The following CPEB4 variants were observed in gnomAD, a reference collection of about 807,000 sequenced individuals.
The protein encoded by CPEB4 is cytoplasmic polyadenylation element binding protein 4.
A neutral mutation model predicts 72.5 loss-of-function variants in CPEB4; 12 were observed. That is an observed-to-expected ratio of 0.17 (90% CI 0.11 to 0.27). The LOEUF (loss-of-function observed/expected upper bound fraction) is 0.27, where lower values mean the gene tolerates loss of function less well. Ranked by LOEUF, CPEB4 falls within the 10% of genes least tolerant of loss-of-function variation. The pLI, the probability that CPEB4 is intolerant of heterozygous loss-of-function variation, is 1.00. For missense variants in CPEB4, 614 were observed against 908.5 expected (o/e 0.68, Z 4.17); for synonymous variants, 302 against 326.3 (o/e 0.93, Z 0.80).
intron 1 of CPEB4, among the ~76,000 whole-genome samples, chr5:173,897,848 C>T (rs1167396984): frequency 1.3e-5 from 2 of 150,858 alleles, no homozygotes; most frequent in African/African-American, 2.4e-5. Context: ...AATACACACT[C>T]GTATAAGTTA....
intron 2 of CPEB4, among the ~76,000 whole-genome samples, chr5:173,924,065 C>T (rs1053621126): frequency 1.3e-5 from 2 of 152,196 alleles, no homozygotes; most frequent in Admixed American, 6.5e-5. Context: ...GTAGTCAAAG[C>T]AGTCCTTCCC....
At chr5:173,951,191 A>G (rs1347656590) in intron 7 of CPEB4, among the ~76,000 whole-genome samples, 1 of 152,152 alleles carries the variant, frequency 6.6e-6, no homozygotes, top group African/African-American at 2.4e-5. Flanking sequence ...TTGGGAATAC[A>G]CTGCTGTCAA....
chr5:173,922,932 G>A (rs1176722950), intron 2 of CPEB4, among the ~76,000 whole-genome samples: 1 of 152,202 alleles, frequency 6.6e-6, no homozygotes, highest in Non-Finnish European at 1.5e-5. Flanking sequence ...GCTTCATGCA[G>A]CTTATTTTCC....
At chr5:173,951,128 C>T (rs576402055) in intron 7 of CPEB4, among the ~76,000 whole-genome samples, 33 of 152,136 alleles carry the variant, frequency 2.2e-4, no homozygotes, top group Non-Finnish European at 4.9e-4. Context: ...TGCCAATCCC[C>T]ATCCGTATTT....
In CPEB4 at chr5:173,950,522, C is replaced by A. The variant is rs1203006881; in HGVS notation, c.1665+444C>A. Among the ~76,000 whole-genome samples the A allele has an allele frequency of 6.6e-6, 1 of 152,124 alleles. No individual in the cohort carries two copies. Among genetic ancestry groups the A allele is most frequent in the East Asian group, 1.9e-4 (1 of 5,182 alleles). ...TGGGAGACTGAGGCAGGACAATCACCTGAACCCAGGAGGCGGAGGTTGCAG... is the reference window on the plus strand; with the variant it reads ...TGGGAGACTGAGGCAGGACAATCACATGAACCCAGGAGGCGGAGGTTGCAG... On this transcript the variant is annotated intron_variant, in intron 7 of 9. Transcript: ENST00000265085. The surrounding 1 kb of genome is among the most constrained non-coding windows in gnomAD (Gnocchi z 5.0).
chr5:173,948,110 T>C (rs1262830333), intron 5 of CPEB4, among the ~76,000 whole-genome samples: 1 of 151,958 alleles, frequency 6.6e-6, no homozygotes, highest in Non-Finnish European at 1.5e-5. Context: ...CAAACTGATA[T>C]CAATAAATGA....
At chr5:173,920,831 GT>G (rs1433432772) in intron 2 of CPEB4, among the ~76,000 whole-genome samples, 1 of 152,216 alleles carries the variant, frequency 6.6e-6, no homozygotes, top group Non-Finnish European at 1.5e-5. Context: ...ATATGGAGTA[GT>G]TTGTATAAGG....
rs755670150 is a variant in CPEB4, at chr5:173,949,470, A to C, written c.1457-38A>C. On this transcript the variant is annotated intron_variant, in intron 5 of 9. Transcript: ENST00000265085. ...AAAACTTTCAAAAAATGATCATAAAAATATTTAAATCTACTGTTTTCCTTT... is the reference window on the plus strand; with the variant it reads ...AAAACTTTCAAAAAATGATCATAAACATATTTAAATCTACTGTTTTCCTTT... 8 of 1,416,068 alleles carry C rather than the reference A, an allele frequency of 5.6e-6. No individual in the cohort carries two copies. In the East Asian group the frequency reaches 1.1e-4, roughly 20 times the overall value. 87.7% of individuals were successfully genotyped at this position (1,416,068 alleles called of 1,614,324 possible). A position where few individuals can be genotyped will look rare whatever the true frequency, so the allele number is the denominator to read the frequency against.
chr5:173,890,442 C>T lies in CPEB4; in HGVS notation c.709C>T (p.Pro237Ser), dbSNP rs1038997166. ...GPLSQHHPHH[P>S]HFQHHHSQHQ... The stretch of plus-strand genomic sequence containing the variant: ...TCTCTCACAGCACCACCCACATCAC[C>T]CTCATTTCCAGCATCATCACAGCCA... The change falls in exon 1 of 10, where the codon CCT becomes TCT. Residue 237 changes from proline (P) to serine (S), a missense_variant. Physicochemically the swap from Pro to Ser is moderately conservative, Grantham distance 74. This residue lies in a region of CPEB4 where 458 missense variants were observed against 548.6 expected (regional missense o/e 0.83). Coordinates refer to ENST00000265085, the MANE Select transcript of CPEB4 (RefSeq NM_030627.4). 1 of 1,613,100 alleles carries T rather than the reference C, an allele frequency of 6.2e-7. No homozygotes were observed. Among genetic ancestry groups the T allele is most frequent in the African/African-American group, 1.3e-5 (1 of 75,016 alleles).
intron 2 of CPEB4, among the ~76,000 whole-genome samples, chr5:173,923,683 C>A (rs922029742): frequency 6.6e-6 from 1 of 151,888 alleles, no homozygotes; most frequent in Non-Finnish European, 1.5e-5. Context: ...CTTTTCTTTC[C>A]ATTATATTTT....
At position 173,890,720 on chromosome 5, in the gene CPEB4, C is replaced by T; in HGVS notation, c.987C>T (p.Asn329=). The T allele has an allele frequency of 6.2e-7, 1 of 1,614,202 alleles. No individual in the cohort carries two copies. The change falls in exon 1 of 10, where the codon AAC becomes AAT. Residue 329 remains asparagine (N), a synonymous_variant. Coordinates refer to ENST00000265085, the MANE Select transcript of CPEB4 (RefSeq NM_030627.4). Reference sequence around the variant, plus strand: ...TGAATGGTGGAATAACGCCCCTGAACTCCATCTCGCCTTTGAAGAAAAATT... The same window carrying T: ...TGAATGGTGGAATAACGCCCCTGAATTCCATCTCGCCTTTGAAGAAAAATT... ...RGLNGGITPL[N]SISPLKKNFA... is the part of the protein sequence containing the mutation.
chr5:173,947,611 A>G (rs1231457650), intron 5 of CPEB4, among the ~76,000 whole-genome samples: 1 of 152,190 alleles, frequency 6.6e-6, no homozygotes, highest in Non-Finnish European at 1.5e-5. Context: ...GGAAGGCTAG[A>G]AAAACCCATG....
At chr5:173,912,906 A>G (rs1467108078) in intron 2 of CPEB4, among the ~76,000 whole-genome samples, 7 of 148,218 alleles carry the variant, frequency 4.7e-5, no homozygotes. Flanking sequence ...CCTGCTCTTT[A>G]AGACCCTGTC....
chr5:173,888,363 T>G lies in CPEB4; in HGVS notation c.-1371T>G, dbSNP rs1216910516. 5 of 439,090 alleles carry G rather than the reference T, an allele frequency of 1.1e-5. No homozygotes were observed. The highest frequency in any genetic ancestry group is 2.0e-5 in the Non-Finnish European group (5 of 254,810). The allele number at this position is 439,090 out of a possible 1,614,324, so 27.2% of individuals were successfully genotyped here. On this transcript the variant is annotated 5_prime_UTR_variant, in exon 1 of 10. Coordinates refer to ENST00000265085, the MANE Select transcript of CPEB4 (RefSeq NM_030627.4). The surrounding 1 kb of genome is among the most constrained non-coding windows in gnomAD (Gnocchi z 4.3). ...GTTGTCATTTCACTCGGCTCGGTCC[T>G]GAGGAGAAGGACTCAGCCGCGGCTG...
At chr5:173,937,861 C>G (rs1757684905) in intron 3 of CPEB4, among the ~76,000 whole-genome samples, 1 of 152,196 alleles carries the variant, frequency 6.6e-6, no homozygotes, top group Non-Finnish European at 1.5e-5. Context: ...ATCTTAGGAA[C>G]ATTCTTTGAA....
rs886987604 is a variant in CPEB4, at chr5:173,958,759, TAA to T, written c.*2623_*2624del. The T allele has an allele frequency of 1.4e-4, 21 of 152,790 alleles. 1 individual carries two copies. Among genetic ancestry groups the T allele is most frequent in the African/African-American group, 4.8e-4 (20 of 41,576 alleles). The allele number at this position is 152,790 out of a possible 1,614,324, so 9.5% of individuals were successfully genotyped here. A position where few individuals can be genotyped will look rare whatever the true frequency, so the allele number is the denominator to read the frequency against. On this transcript the variant is annotated 3_prime_UTR_variant, in exon 10 of 10. Coordinates refer to ENST00000265085, the MANE Select transcript of CPEB4 (RefSeq NM_030627.4). Reference sequence around the variant, plus strand: ...AACAAAATTGTCTACAGCTTCTTACTAAGTTTTTAAAATTATTCATAAAATGC... The same window carrying T: ...AACAAAATTGTCTACAGCTTCTTACTGTTTTTAAAATTATTCATAAAATGC...
intron 2 of CPEB4, among the ~76,000 whole-genome samples, chr5:173,916,495 C>G (rs1298942058): frequency 6.6e-6 from 1 of 152,182 alleles, no homozygotes; most frequent in Non-Finnish European, 1.5e-5. Flanking sequence ...GTGTTTCATG[C>G]ATCGCTTTAT....
At chr5:173,949,747 T>G in intron 6 of CPEB4, 150 bp downstream of exon 6, 1 of 689,058 alleles carries the variant, frequency 1.5e-6, no homozygotes, top group South Asian at 1.9e-5. Flanking sequence ...CATAATATTC[T>G]TTTAATTCAA....
At chr5:173,924,744 C>G (rs1357384720) in intron 2 of CPEB4, among the ~76,000 whole-genome samples, 4 of 152,200 alleles carry the variant, frequency 2.6e-5, no homozygotes, top group African/African-American at 9.6e-5. Context: ...CGGCTTGACT[C>G]TACCCATTAC....
Sources: gnomAD v4.1 joint callset for allele counts (sites outside exome capture counted in the v4.1 genomes callset) on GRCh38, gnomAD v4.1.1 for gene constraint, gnomAD v4.1.1 regional missense constraint, Gnocchi (gnomAD v3.1) non-coding constraint, MANE v1.5 for transcripts, NCBI Gene and HGNC (gene_info 2026-07-23, HGNC 2026-07-21) for gene names.